The following SNTG2 variants were observed in gnomAD, a reference collection of about 807,000 sequenced individuals.
The protein encoded by SNTG2 is gamma-2-syntrophin.
Under a neutral mutation model 70.9 loss-of-function variants are expected in SNTG2, and 74 were observed. The observed-to-expected ratio is 1.04, with a 90% CI of 0.86 to 1.27. SNTG2 has a LOEUF of 1.27. SNTG2 is among the 50% of genes most tolerant of loss of function. The pLI, the probability that SNTG2 is intolerant of heterozygous loss-of-function variation, is 0.00. For missense variants in SNTG2, 717 were observed against 690.7 expected (o/e 1.04, Z -0.43); for synonymous variants, 278 against 273.8 (o/e 1.02, Z -0.15).
intron 1 of SNTG2, among the ~76,000 whole-genome samples, chr2:1,044,662 T>C (rs544019510): frequency 6.6e-6 from 1 of 152,304 alleles, no homozygotes; most frequent in Admixed American, 6.5e-5. Flanking sequence ...GTTTTTTTGT[T>C]TTCAGTTATC....
chr2:1,104,282 A>G (rs957599244), intron 4 of SNTG2, among the ~76,000 whole-genome samples: 3 of 152,272 alleles, frequency 2.0e-5, no homozygotes, highest in East Asian at 1.9e-4. Flanking sequence ...TTATTGCTCT[A>G]TGTTGGTGTT....
At chr2:1,118,269 A>T (rs992515092) in intron 4 of SNTG2, among the ~76,000 whole-genome samples, 6 of 152,062 alleles carry the variant, frequency 3.9e-5, no homozygotes, top group African/African-American at 1.4e-4. Context: ...GCTGAGAAAG[A>T]TCCCCTCAGC....
intron 8 of SNTG2, among the ~76,000 whole-genome samples, chr2:1,191,012 C>A (rs1304750223): frequency 6.6e-6 from 1 of 152,140 alleles, no homozygotes; most frequent in Non-Finnish European, 1.5e-5. Flanking sequence ...CAGAGACATG[C>A]AGCAAAATTC....
At chr2:1,158,664 C>A (rs73160191) in intron 6 of SNTG2, among the ~76,000 whole-genome samples, 12,048 of 152,190 alleles carry the variant, frequency 0.079, 755 homozygotes, top group African/African-American at 0.17. Flanking sequence ...ACAGCACGGC[C>A]AGGGGTGTGA....
intron 1 of SNTG2, among the ~76,000 whole-genome samples, chr2:952,564 C>T (rs1459593197): frequency 6.6e-6 from 1 of 152,214 alleles, no homozygotes; most frequent in Non-Finnish European, 1.5e-5. Flanking sequence ...CAAGAGTGGC[C>T]TCTGCTCACC....
At chr2:958,145 G>A (rs577595423) in intron 1 of SNTG2, among the ~76,000 whole-genome samples, 1 of 152,208 alleles carries the variant, frequency 6.6e-6, no homozygotes, top group East Asian at 1.9e-4. Flanking sequence ...GGTGAGGTGT[G>A]GTCCGCATGG....
At chr2:954,784 C>T (rs781496448) in intron 1 of SNTG2, among the ~76,000 whole-genome samples, 82 of 152,332 alleles carry the variant, frequency 5.4e-4, no homozygotes, top group Middle Eastern at 3.4e-3. Flanking sequence ...TTCCAGGGAC[C>T]GTGCTGCTTC....
At chr2:1,040,529 A>T (rs1228291726) in intron 1 of SNTG2, among the ~76,000 whole-genome samples, 1 of 152,178 alleles carries the variant, frequency 6.6e-6, no homozygotes, top group Non-Finnish European at 1.5e-5. Context: ...AAGTCAGTAA[A>T]GTTCAGGGGT....
intron 1 of SNTG2, among the ~76,000 whole-genome samples, chr2:1,027,318 T>C (rs1046093021): frequency 1.3e-5 from 2 of 150,474 alleles, no homozygotes; most frequent in African/African-American, 4.9e-5. Flanking sequence ...CATGCATCTC[T>C]GTTGTGTAAA....
intron 1 of SNTG2, among the ~76,000 whole-genome samples, chr2:1,018,293 A>G (rs1659974750): frequency 6.6e-6 from 1 of 152,216 alleles, no homozygotes; most frequent in Non-Finnish European, 1.5e-5. Flanking sequence ...GGAGACAAGC[A>G]GCCCTGGGGA....
At position 1,036,530 on chromosome 2, in the gene SNTG2, T is replaced by C. The variant is rs555545370; in HGVS notation, c.73-46988T>C. 4.0e-4 allele frequency among the ~76,000 whole-genome samples: 61 copies of C among 152,332 alleles called. No individual in the cohort carries two copies. The South Asian group carries it at 0.012, about 31-fold the overall frequency. ...TTTAATTAAAATTGTACATAGCTAGTCACACTCCCCACTGTGGTTTTTAAT... is the reference window on the plus strand; with the variant it reads ...TTTAATTAAAATTGTACATAGCTAGCCACACTCCCCACTGTGGTTTTTAAT... On this transcript the variant is annotated intron_variant, in intron 1 of 16. Coordinates refer to ENST00000308624, the MANE Select transcript of SNTG2 (RefSeq NM_018968.4).
intron 8 of SNTG2, among the ~76,000 whole-genome samples, chr2:1,191,425 G>A (rs1234612075): frequency 6.6e-6 from 1 of 152,146 alleles, no homozygotes; most frequent in Non-Finnish European, 1.5e-5. Context: ...CAGGATATTG[G>A]TTTTGGAGGA....
chr2:1,201,718 A>G lies in SNTG2; in HGVS notation c.592-7385A>G, dbSNP rs371621558. Among the ~76,000 whole-genome samples, 6 of 151,934 alleles carry G rather than the reference A, an allele frequency of 3.9e-5. No homozygotes were observed. In the East Asian group the frequency reaches 1.2e-3, roughly 29 times the overall value. On this transcript the variant is annotated intron_variant, in intron 8 of 16. Coordinates refer to ENST00000308624, the MANE Select transcript of SNTG2 (RefSeq NM_018968.4). ...CATCATATGCATGTATCAAAGTATCACATACACCCCAAAAATGTGTGAAAA... is the reference window on the plus strand; with the variant it reads ...CATCATATGCATGTATCAAAGTATCGCATACACCCCAAAAATGTGTGAAAA...
In SNTG2 at chr2:1,171,846, T is replaced by C. The variant is rs539030719; in HGVS notation, c.500-1246T>C. ...CGAGCCATGGTAACTCGCTGAACGT[T>C]GCACATCACATTTGCAGAGGCAGAT... On this transcript the variant is annotated intron_variant, in intron 7 of 16. Coordinates refer to ENST00000308624, the MANE Select transcript of SNTG2 (RefSeq NM_018968.4). Among the ~76,000 whole-genome samples, 4 of 152,324 alleles carry C rather than the reference T, an allele frequency of 2.6e-5. No homozygotes were observed. In the East Asian group the frequency reaches 7.7e-4, roughly 29 times the overall value.
chr2:1,294,158 A>G (rs1680104068), intron 14 of SNTG2, among the ~76,000 whole-genome samples: 1 of 152,028 alleles, frequency 6.6e-6, no homozygotes, highest in Non-Finnish European at 1.5e-5. Context: ...TATTTTTTGG[A>G]GGAGATGGAA....
chr2:1,198,025 T>C (rs1209578437), intron 8 of SNTG2, among the ~76,000 whole-genome samples: 1 of 152,116 alleles, frequency 6.6e-6, no homozygotes, highest in Non-Finnish European at 1.5e-5. Context: ...TTTACAGAAT[T>C]TTTTTTAATT....
At chr2:974,929 C>T (rs927810272) in intron 1 of SNTG2, among the ~76,000 whole-genome samples, 3 of 152,150 alleles carry the variant, frequency 2.0e-5, no homozygotes, top group Admixed American at 6.5e-5. Context: ...AATAAAATCT[C>T]ATCTATCCTA....
chr2:1,040,467 C>T (rs1170086166), intron 1 of SNTG2, among the ~76,000 whole-genome samples: 2 of 152,192 alleles, frequency 1.3e-5, no homozygotes, highest in Non-Finnish European at 2.9e-5. Flanking sequence ...TGTCCAGCCC[C>T]ACCTTTGCAC....
intron 8 of SNTG2, among the ~76,000 whole-genome samples, chr2:1,207,603 A>G (rs192815207): frequency 6.6e-6 from 1 of 152,232 alleles, no homozygotes; most frequent in East Asian, 1.9e-4. Flanking sequence ...GGGGGCTTAT[A>G]TATTAGCACA....
Sources: gnomAD v4.1 joint callset for allele counts (sites outside exome capture counted in the v4.1 genomes callset) on GRCh38, gnomAD v4.1.1 for gene constraint, MANE v1.5 for transcripts, NCBI Gene and HGNC (gene_info 2026-07-23, HGNC 2026-07-21) for gene names.